The following NEK11 variants were observed in gnomAD, a reference collection of about 807,000 sequenced individuals.
The protein encoded by NEK11 is NIMA related kinase 11.
A neutral mutation model predicts 80.7 loss-of-function variants in NEK11; 72 were observed. The observed-to-expected ratio is 0.89, with a 90% confidence interval of 0.74 to 1.08. The LOEUF is 1.08. Among genes scored for constraint, NEK11 ranks in the 50% least tolerant of loss-of-function variants. The probability of loss-of-function intolerance (pLI) is 0.00; values close to 1 mark genes in which losing one functional copy is unlikely to be tolerated. For missense variants in NEK11, 764 were observed against 763.6 expected (o/e 1.00, Z -0.01); for synonymous variants, 251 against 260.7 (o/e 0.96, Z 0.36).
At chr3:131,146,763 T>C (rs1302599758) in intron 7 of NEK11, among the ~76,000 whole-genome samples, 1 of 152,114 alleles carries the variant, frequency 6.6e-6, no homozygotes, top group Non-Finnish European at 1.5e-5. Context: ...CATGTAGTGG[T>C]AGTACACAGT....
chr3:131,062,098 C>T (rs1197939661), intron 3 of NEK11, among the ~76,000 whole-genome samples: 3 of 152,322 alleles, frequency 2.0e-5, no homozygotes, highest in African/African-American at 7.2e-5. Flanking sequence ...CCTCTAGGAG[C>T]TTACATTTTA....
intron 10 of NEK11, 90 bp from the exon 11 acceptor site, chr3:131,162,316 AGT>A: frequency 6.8e-7 from 1 of 1,474,184 alleles, no homozygotes; most frequent in Non-Finnish European, 9.1e-7. Context: ...TTTTGCTCTC[AGT>A]AGTGTAGTGA....
At chr3:131,175,950 T>C (rs1270115272) in intron 14 of NEK11, among the ~76,000 whole-genome samples, 1 of 152,194 alleles carries the variant, frequency 6.6e-6, no homozygotes, top group Non-Finnish European at 1.5e-5. Context: ...CAGAAGGTGA[T>C]CACAGGGTTT....
chr3:131,197,071 C>T (rs1560910807), intron 14 of NEK11, among the ~76,000 whole-genome samples: 1 of 152,096 alleles, frequency 6.6e-6, no homozygotes, highest in Non-Finnish European at 1.5e-5. Context: ...AGCTCTCTTT[C>T]CTACCTGATT....
chr3:131,032,100 T>C (rs2109311412), intron 3 of NEK11, among the ~76,000 whole-genome samples: 1 of 152,204 alleles, frequency 6.6e-6, no homozygotes, highest in Admixed American at 6.5e-5. Flanking sequence ...TAGCTGGGAT[T>C]ACAGGCATGC....
intron 4 of NEK11, among the ~76,000 whole-genome samples, chr3:131,095,644 T>C (rs982011063): frequency 3.3e-5 from 5 of 152,164 alleles, no homozygotes; most frequent in Non-Finnish European, 5.9e-5. Flanking sequence ...TCATGCAATA[T>C]AACTTAAAGA....
At chr3:131,120,971 CCTT>C (rs573151527) in intron 5 of NEK11, among the ~76,000 whole-genome samples, 28 of 152,292 alleles carry the variant, frequency 1.8e-4, no homozygotes, top group African/African-American at 6.5e-4. Context: ...TCGGCTGAAC[CCTT>C]CTTCTCTCAA....
chr3:131,165,505 G>A lies in NEK11; in HGVS notation c.1162G>A (p.Val388Ile). ...ATCTCGGAACTTTCAGCAGCTGAGT[G>A]TTGATGTACTCCATGTAAGTACCCT... ...LRSRNFQQLS[V>I]DVLHEKTHLK... Residue 388 changes from valine (V) to isoleucine (I), a missense_variant, in exon 12 of 18, where the codon GTT becomes ATT. By Grantham distance (29) the Val-to-Ile change is conservative. Coordinates refer to ENST00000383366, the MANE Select transcript of NEK11 (RefSeq NM_024800.5). 1 of 1,607,502 alleles carries A rather than the reference G, an allele frequency of 6.2e-7. No individual in the cohort carries two copies. Among genetic ancestry groups the A allele is most frequent in the South Asian group, 1.1e-5 (1 of 90,872 alleles).
At chr3:131,183,920 A>T (rs2093482468) in intron 14 of NEK11, among the ~76,000 whole-genome samples, 1 of 152,040 alleles carries the variant, frequency 6.6e-6, no homozygotes, top group Non-Finnish European at 1.5e-5. Context: ...AAGCATTCCT[A>T]TTTCCCCACA....
chr3:131,133,927 C>G lies in NEK11; in HGVS notation c.618C>G (p.His206Gln). The G allele has an allele frequency of 6.2e-7, 1 of 1,611,488 alleles. No individual in the cohort carries two copies. Among genetic ancestry groups the G allele is most frequent in the Non-Finnish European group, 8.5e-7 (1 of 1,178,424 alleles). The change falls in exon 7 of 18, where the codon CAC becomes CAG. Residue 206 changes from histidine (H) to glutamine (Q), a missense_variant. His to Gln is a conservative substitution (Grantham distance 24, BLOSUM62 0). Transcript: ENST00000383366. ...PHYMSPEALK[H>Q]QGYDTKSDIW... ...ATATGAGTCCTGAGGCTCTGAAACA[C>G]CAAGGCTATGACACAAAGTCGGACA... is the stretch of plus-strand genomic sequence containing the variant.
intron 16 of NEK11, among the ~76,000 whole-genome samples, chr3:131,251,574 G>C (rs559827076): frequency 7.0e-4 from 106 of 152,028 alleles, no homozygotes; most frequent in Non-Finnish European, 1.3e-3. Flanking sequence ...TGATTGCAAG[G>C]TTCTGAATAC....
In NEK11 at chr3:131,243,496, GGTGA is replaced by G; in HGVS notation, c.1621+3_1621+6del. 6.2e-7 allele frequency: 1 copy of G among 1,611,592 alleles called. No individual in the cohort carries two copies. Among genetic ancestry groups the G allele is most frequent in the Non-Finnish European group, 8.5e-7 (1 of 1,178,170 alleles). ...AAATGTCCTGGGTTGCACTTCTCTA[GGTGA>G]GTAAGTTCCTTTAGGCTTCAAAATA... On this transcript the variant is annotated splice_donor_variant and splice_donor_region_variant and intron_variant, in intron 16 of 17. Transcript: ENST00000383366. LOFTEE classifies it high-confidence loss of function.
rs769704761 is a variant in NEK11 at position 131,152,670 on chromosome 3, C to G, written c.837C>G (p.Ile279Met). The G allele has an allele frequency of 3.7e-6, 6 of 1,613,350 alleles. No homozygotes were observed. Among genetic ancestry groups the G allele is most frequent in the Non-Finnish European group, 5.1e-6 (6 of 1,179,716 alleles). The part of the protein sequence containing the change: ...NKNPSLRPSA[I>M]EILKIPYLDE... The stretch of plus-strand genomic sequence containing the variant: ...ATCCTTCATTAAGACCATCTGCTAT[C>G]GAAATTTTAAAAATCCCTTACCTTG... The change falls in exon 9 of 18, where the codon ATC (isoleucine) becomes ATG (methionine). Residue 279 changes from isoleucine (I) to methionine (M), a missense_variant. Transcript: ENST00000383366.
At chr3:131,029,473 T>C in intron 2 of NEK11, 140 bp from the exon 3 acceptor site, 1 of 352,156 alleles carries the variant, frequency 2.8e-6, no homozygotes, top group Non-Finnish European at 5.1e-6. Context: ...TATCTCTACC[T>C]TTTAACATTT....
intron 17 of NEK11, among the ~76,000 whole-genome samples, chr3:131,302,483 A>T (rs545166338): frequency 6.6e-6 from 1 of 152,156 alleles, no homozygotes; most frequent in Admixed American, 6.5e-5. Context: ...TGATGTGAAC[A>T]TCTAGCACTA....
chr3:131,257,152 ATT>A (rs5852620), intron 16 of NEK11, among the ~76,000 whole-genome samples: 2,578 of 143,490 alleles, frequency 0.018, 50 homozygotes, highest in African/African-American at 0.049. Flanking sequence ...TGCCTGGCTA[ATT>A]TTTTTTTTTT....
At chr3:131,172,570 T>A (rs930603070) in intron 14 of NEK11, among the ~76,000 whole-genome samples, 1 of 152,258 alleles carries the variant, frequency 6.6e-6, no homozygotes, top group African/African-American at 2.4e-5. Context: ...GATGGATTTC[T>A]GTCTTAGGCC....
intron 16 of NEK11, among the ~76,000 whole-genome samples, chr3:131,252,957 T>C (rs1561210233): frequency 6.6e-6 from 1 of 152,184 alleles, no homozygotes; most frequent in Non-Finnish European, 1.5e-5. Context: ...AAATGTTTTC[T>C]TCCTAGATTT....
At chr3:131,029,980 C>G in intron 3 of NEK11, 102 bp downstream of exon 3, 1 of 1,108,262 alleles carries the variant, frequency 9.0e-7, no homozygotes, top group Non-Finnish European at 1.3e-6. Context: ...TGGCTCATGC[C>G]TGTAATCCCA....
Sources: gnomAD v4.1 joint callset for allele counts (sites outside exome capture counted in the v4.1 genomes callset) on GRCh38, gnomAD v4.1.1 for gene constraint, MANE v1.5 for transcripts, NCBI Gene and HGNC (gene_info 2026-07-23, HGNC 2026-07-21) for gene names.